The following ZNF572 variants were observed in gnomAD, a reference collection of about 807,000 sequenced individuals.
The protein encoded by ZNF572 is zinc finger protein 572.
ZNF572 carries 2 observed loss-of-function variants against 3.8 expected under a neutral mutation model. The ratio of observed to expected loss-of-function variants is 0.52; its 90% CI spans 0.21 to 1.65. The LOEUF is 1.65. ZNF572 is among the 40% of genes most tolerant of loss of function. The pLI is 0.20. For synonymous variants in ZNF572, 187 were observed against 204.5 expected (o/e 0.91, Z 0.73); for missense variants, 581 against 633.4 (o/e 0.92, Z 0.89).
rs963205669 is a variant in ZNF572, at chr8:124,978,788, A to G, written c.*930A>G. Reference sequence around the variant, plus strand: ...ATAGAAGGCAGGATTCCTGAATTCTATCTTAAAATTTGCAATGAAGAGCCT... The same window carrying G: ...ATAGAAGGCAGGATTCCTGAATTCTGTCTTAAAATTTGCAATGAAGAGCCT... On this transcript the variant is annotated 3_prime_UTR_variant, in exon 3 of 3. Transcript: ENST00000319286. The G allele has an allele frequency of 1.3e-5, 2 of 152,212 alleles. No homozygotes were observed. The highest frequency in any genetic ancestry group is 2.9e-5 in the Non-Finnish European group (2 of 68,044). 9.4% of individuals were successfully genotyped at this position (152,212 alleles called of 1,614,324 possible).
chr8:124,975,950 G>A (rs1814500260), intron 2 of ZNF572, among the ~76,000 whole-genome samples: 1 of 152,132 alleles, frequency 6.6e-6, no homozygotes, highest in East Asian at 1.9e-4. Context: ...ATAAATAGTG[G>A]CTATTGTTAT....
intron 1 of ZNF572, among the ~76,000 whole-genome samples, chr8:124,974,778 G>C (rs1814485167): frequency 6.6e-6 from 1 of 151,824 alleles, no homozygotes; most frequent in Admixed American, 6.6e-5. Context: ...TGCAACCTCT[G>C]CCTCCTGGGT....
rs1434978969 is a variant in ZNF572, at chr8:124,976,751, A to G, written c.483A>G (p.Lys161=). ...QRTHSGEKPY[K]CSECAKCFCN... ...CCCACTCAGGAGAAAAGCCTTATAA[A>G]TGCTCTGAGTGTGCAAAATGTTTTT... The change falls in exon 3 of 3, where the codon AAA becomes AAG. Residue 161 remains lysine (K), a synonymous_variant. Coordinates refer to ENST00000319286, the MANE Select transcript of ZNF572 (RefSeq NM_152412.3). 6.2e-7 allele frequency: 1 copy of G among 1,614,216 alleles called. No homozygotes were observed. The highest frequency in any genetic ancestry group is 2.2e-5 in the East Asian group (1 of 44,890).
At position 124,977,818 on chromosome 8, in the gene ZNF572, C is replaced by A; in HGVS notation, c.1550C>A (p.Pro517His). Residue 517 changes from proline (P) to histidine (H), a missense_variant, in exon 3 of 3, where the codon CCC (proline) becomes CAC (histidine). Transcript: ENST00000319286. ...WTWKNCSGEM[P>H]FISSFSVSNS... ...TGGAAAAACTGTTCAGGGGAAATGCCCTTCATCTCTTCATTTTCCGTCTCA... is the reference window on the plus strand; with the variant it reads ...TGGAAAAACTGTTCAGGGGAAATGCACTTCATCTCTTCATTTTCCGTCTCA... The A allele has an allele frequency of 6.2e-7, 1 of 1,600,930 alleles. No individual in the cohort carries two copies. The highest frequency in any genetic ancestry group is 8.5e-7 in the Non-Finnish European group (1 of 1,172,216).
Position 124,976,636 on chromosome 8 carries a change from A to G in ZNF572, c.368A>G (p.Gln123Arg), listed in dbSNP as rs1287358829. ...SGEHTNACVQ[Q>R]NSSFVDRPYK... ...GAACATACCAATGCCTGTGTCCAGC[A>G]GAATTCATCCTTTGTAGACAGACCC... Residue 123 changes from glutamine (Q) to arginine (R), a missense_variant, in exon 3 of 3, where the codon CAG (glutamine) becomes CGG (arginine). By Grantham distance (43) the Gln-to-Arg change is conservative. Transcript: ENST00000319286. The G allele has an allele frequency of 6.2e-7, 1 of 1,614,130 alleles. No homozygotes were observed. Among genetic ancestry groups the G allele is most frequent in the Non-Finnish European group, 8.5e-7 (1 of 1,180,040 alleles).
chr8:124,976,157 C>CT (rs1477319470), intron 2 of ZNF572, among the ~76,000 whole-genome samples, 191 bp from the exon 3 acceptor site: 1 of 151,804 alleles, frequency 6.6e-6, no homozygotes, highest in African/African-American at 2.4e-5. Flanking sequence ...ATTGTTGTTG[C>CT]TAGGTACAAA....
chr8:124,978,047 T>C lies in ZNF572; in HGVS notation c.*189T>C. On this transcript the variant is annotated 3_prime_UTR_variant, in exon 3 of 3. Transcript: ENST00000319286. ...TTATTGGATCTGTCCAGTGAGAGAT[T>C]CATCCACCAAGGATGAAGAAAGGAG... 1 of 570,052 alleles carries C rather than the reference T, an allele frequency of 1.8e-6. No individual in the cohort carries two copies. The highest frequency in any genetic ancestry group is 2.9e-6 in the Non-Finnish European group (1 of 344,452). 35.3% of individuals were successfully genotyped at this position (570,052 alleles called of 1,614,324 possible).
chr8:124,977,056 A>G lies in ZNF572; in HGVS notation c.788A>G (p.Gln263Arg), dbSNP rs1023005571. The change falls in exon 3 of 3, where the codon CAG becomes CGG. Residue 263 changes from glutamine to arginine, a missense_variant. Transcript: ENST00000319286. ...FSHSYVLIEHQRTHTGEKPYK... is the reference protein window; with the variant it reads ...FSHSYVLIEHRRTHTGEKPYK... ...CACAGCTATGTCCTAATAGAACATCAGAGGACTCACACTGGAGAAAAACCT... is the reference window on the plus strand; with the variant it reads ...CACAGCTATGTCCTAATAGAACATCGGAGGACTCACACTGGAGAAAAACCT... 2.5e-6 allele frequency: 4 copies of G among 1,612,454 alleles called. No homozygotes were observed. The highest frequency in any genetic ancestry group is 3.4e-6 in the Non-Finnish European group (4 of 1,180,022).
Position 124,979,328 on chromosome 8 carries a change from G to T in ZNF572, c.*1470G>T, listed in dbSNP as rs1158253130. ...TTGTGGTGCACCTGATGCTGGCGGG[G>T]TATTTGTGTGTTTTTGTATTGTTAT... On this transcript the variant is annotated 3_prime_UTR_variant, in exon 3 of 3. Transcript: ENST00000319286. 1 of 152,396 alleles carries T rather than the reference G, an allele frequency of 6.6e-6. No individual in the cohort carries two copies. Among genetic ancestry groups the T allele is most frequent in the Admixed American group, 6.6e-5 (1 of 15,256 alleles). The allele number at this position is 152,396 out of a possible 1,614,324, so 9.4% of individuals were successfully genotyped here.
Position 124,977,881 on chromosome 8 carries a change from G to A in ZNF572, c.*23G>A, listed in dbSNP as rs778857753. 5 of 1,534,614 alleles carry A rather than the reference G, an allele frequency of 3.3e-6. No homozygotes were observed. The African/African-American group carries it at 6.9e-5, about 21-fold the overall frequency. On this transcript the variant is annotated 3_prime_UTR_variant, in exon 3 of 3. Coordinates refer to ENST00000319286, the MANE Select transcript of ZNF572 (RefSeq NM_152412.3). Reference sequence around the variant, plus strand: ...TGAGTCCCAAAGCCTGGTTGGTGATGGTTTTTTCTTCCTTGTTGGACCATG... The same window carrying A: ...TGAGTCCCAAAGCCTGGTTGGTGATAGTTTTTTCTTCCTTGTTGGACCATG...
Position 124,976,403 on chromosome 8 carries a change from T to G in ZNF572, c.135T>G (p.Asp45Glu). ...TTCACCACAATAATTCTAAGGCAGA[T>G]AAACTTAAAGAGAAACCTTCAGAAT... ...ETVHHNNSKA[D>E]KLKEKPSEWS... Residue 45 changes from aspartate (D) to glutamate (E), a missense_variant, in exon 3 of 3, where the codon GAT becomes GAG. Transcript: ENST00000319286. 1 of 1,606,784 alleles carries G rather than the reference T, an allele frequency of 6.2e-7. No individual in the cohort carries two copies.
In ZNF572 at chr8:124,978,854, A is replaced by T. The variant is rs1814550099; in HGVS notation, c.*996A>T. The T allele has an allele frequency of 6.6e-6, 1 of 152,218 alleles. No homozygotes were observed. The highest frequency in any genetic ancestry group is 6.5e-5 in the Admixed American group (1 of 15,282). The allele number at this position is 152,218 out of a possible 1,614,324, so 9.4% of individuals were successfully genotyped here. On this transcript the variant is annotated 3_prime_UTR_variant, in exon 3 of 3. Transcript: ENST00000319286. ...CCATTATGTAATTCTTGGTCAGCTC[A>T]AGAACTGGGTTCTTTTTCTAATAAT...
Position 124,976,863 on chromosome 8 carries a change from A to G in ZNF572, c.595A>G (p.Asn199Asp), listed in dbSNP as rs370919648. Reference sequence around the variant, plus strand: ...TGGTGAATGTGGGAAAAGCTTCAGCAATACCTCCCATCTTATTATCCATGA... The same window carrying G: ...TGGTGAATGTGGGAAAAGCTTCAGCGATACCTCCCATCTTATTATCCATGA... ...QCGECGKSFS[N>D]TSHLIIHERT... Residue 199 changes from asparagine to aspartate, a missense_variant, in exon 3 of 3, where the codon AAT (asparagine) becomes GAT (aspartate). Asn to Asp is a conservative substitution (Grantham distance 23, BLOSUM62 1). Transcript: ENST00000319286. The G allele has an allele frequency of 1.1e-5, 17 of 1,613,458 alleles. No individual in the cohort carries two copies. Among genetic ancestry groups the G allele is most frequent in the Non-Finnish European group, 1.4e-5 (17 of 1,179,814 alleles).
At position 124,973,433 on chromosome 8, in the gene ZNF572, G is replaced by T. The variant is rs1224325759; in HGVS notation, c.-36+17G>T. On this transcript the variant is annotated intron_variant, in intron 1 of 2. Coordinates refer to ENST00000319286, the MANE Select transcript of ZNF572 (RefSeq NM_152412.3). ...CCCAGAACAGTGAGTTCCTTCTTGG[G>T]GGGAAGGGAGCCGAGGGTTGCGGGC... 1 of 152,380 alleles carries T rather than the reference G, an allele frequency of 6.6e-6. No individual in the cohort carries two copies. The highest frequency in any genetic ancestry group is 1.5e-5 in the Non-Finnish European group (1 of 68,162). The allele number at this position is 152,380 out of a possible 1,614,324, so 9.4% of individuals were successfully genotyped here. A position where few individuals can be genotyped will look rare whatever the true frequency, so the allele number is the denominator to read the frequency against.
In ZNF572 at chr8:124,975,650, GA is replaced by G. The variant is rs769734933; in HGVS notation, c.18del (p.Lys6AsnfsTer16). Reference sequence around the variant, plus strand: ...GGCTGTGATCATTGTGATGGAGCAAGAAAAAAAACTGTTGGTCTCAGATTCT... The same window carrying G: ...GGCTGTGATCATTGTGATGGAGCAAGAAAAAAACTGTTGGTCTCAGATTCT... MEQ[E>X]KKLLVSDSNS... is the part of the protein sequence containing the mutation. On this transcript the variant is annotated frameshift_variant, in exon 2 of 3. Coordinates refer to ENST00000319286, the MANE Select transcript of ZNF572 (RefSeq NM_152412.3). LOFTEE classifies it high-confidence loss of function. The G allele has an allele frequency of 3.7e-6, 6 of 1,613,114 alleles. No homozygotes were observed. The highest frequency in any genetic ancestry group is 3.3e-5 in the Admixed American group (2 of 59,962).
chr8:124,976,471 C>T lies in ZNF572; in HGVS notation c.203C>T (p.Ala68Val), dbSNP rs1248292844. ...HRPQHYKHED[A>V]KEMPLTWVQD... ...CCACAACATTATAAGCATGAGGATG[C>T]AAAAGAAATGCCACTGACATGGGTT... Residue 68 changes from alanine (A) to valine (V), a missense_variant, in exon 3 of 3, where the codon GCA becomes GTA. Ala to Val is a moderately conservative substitution (Grantham distance 64). Coordinates refer to ENST00000319286, the MANE Select transcript of ZNF572 (RefSeq NM_152412.3). The T allele has an allele frequency of 6.2e-7, 1 of 1,614,076 alleles. No homozygotes were observed.
intron 1 of ZNF572, among the ~76,000 whole-genome samples, chr8:124,974,027 G>C (rs895184176): frequency 1.3e-5 from 2 of 151,866 alleles, no homozygotes; most frequent in African/African-American, 4.8e-5. Flanking sequence ...TTGCATTCAG[G>C]TGTATGGTTT....
chr8:124,976,645 C>A lies in ZNF572; in HGVS notation c.377C>A (p.Ser126Tyr). ...HTNACVQQNS[S>Y]FVDRPYKCSE... ...AATGCCTGTGTCCAGCAGAATTCAT[C>A]CTTTGTAGACAGACCCTATAAATGT... Residue 126 changes from serine to tyrosine, a missense_variant, in exon 3 of 3, where the codon TCC becomes TAC. Transcript: ENST00000319286. 1 of 1,614,186 alleles carries A rather than the reference C, an allele frequency of 6.2e-7. No homozygotes were observed. Among genetic ancestry groups the A allele is most frequent in the Non-Finnish European group, 8.5e-7 (1 of 1,180,036 alleles).
In ZNF572 at chr8:124,975,600, C is replaced by T. The variant is rs771958348; in HGVS notation, c.-35-6C>T. On this transcript the variant is annotated splice_polypyrimidine_tract_variant and splice_region_variant and intron_variant, in intron 1 of 2. Coordinates refer to ENST00000319286, the MANE Select transcript of ZNF572 (RefSeq NM_152412.3). ...ACCTCCAAACATAATTTATTTCCTT[C>T]CACAGGGTTTCTGATCTCTAACTTG... The T allele has an allele frequency of 6.6e-7, 1 of 1,510,960 alleles. No homozygotes were observed. The highest frequency in any genetic ancestry group is 9.2e-7 in the Non-Finnish European group (1 of 1,086,706). The allele number at this position is 1,510,960 out of a possible 1,614,324, so 93.6% of individuals were successfully genotyped here.
Sources: allele counts gnomAD v4.1 joint callset (sites outside exome capture counted in the v4.1 genomes callset), GRCh38; gene constraint gnomAD v4.1.1; transcripts MANE v1.5; gene names NCBI Gene and HGNC (gene_info 2026-07-23, HGNC 2026-07-21).